The following LOC128706666 variants were observed in gnomAD, a reference collection of about 807,000 sequenced individuals.
At chr20:10,423,599 CAT>C in the LOC128706666 span, among the ~76,000 whole-genome samples, 1 of 152,136 alleles carries the variant, frequency 6.6e-6, no homozygotes, top group South Asian at 2.1e-4. Context: ...CATGTAATGA[CAT>C]AGTATGAACC....
the LOC128706666 span, among the ~76,000 whole-genome samples, chr20:10,422,385 G>A: frequency 1.3e-5 from 2 of 152,094 alleles, no homozygotes. Flanking sequence ...TTTTTAGAGG[G>A]AATCAATTAC....
At chr20:10,414,077 A>C in the LOC128706666 span, 1 of 369,326 alleles carries the variant, frequency 2.7e-6, no homozygotes, top group Non-Finnish European at 4.8e-6. Context: ...TGAGAAAGGT[A>C]GACCAACTTT....
the LOC128706666 span, chr20:10,434,125 C>CGCCGCCCCAG: frequency 4.1e-5 from 6 of 147,722 alleles, no homozygotes; most frequent in Non-Finnish European, 9.0e-5. Context: ...CCAGCCGTCG[C>CGCCGCCCCAG]GCCGCCCCAG....
chr20:10,428,126 TAAC>T, the LOC128706666 span, among the ~76,000 whole-genome samples: 1 of 152,228 alleles, frequency 6.6e-6, no homozygotes, highest in African/African-American at 2.4e-5. Context: ...AGCAAGTGAT[TAAC>T]AACTAATGAG....
At chr20:10,420,140 T>C in the LOC128706666 span, among the ~76,000 whole-genome samples, 1 of 152,088 alleles carries the variant, frequency 6.6e-6, no homozygotes, top group Non-Finnish European at 1.5e-5. Context: ...AAATAGTTGA[T>C]GTTAAGAAAT....
the LOC128706666 span, among the ~76,000 whole-genome samples, chr20:10,429,882 T>C: frequency 6.6e-6 from 1 of 152,216 alleles, no homozygotes; most frequent in African/African-American, 2.4e-5. Flanking sequence ...CCTCCTGACC[T>C]ACTGAGTCAG....
the LOC128706666 span, among the ~76,000 whole-genome samples, chr20:10,420,131 A>C: frequency 2.0e-5 from 3 of 152,206 alleles, no homozygotes; most frequent in Admixed American, 6.5e-5. Context: ...GTCAAGCTAA[A>C]ATAGTTGATG....
chr20:10,422,656 T>G, the LOC128706666 span, among the ~76,000 whole-genome samples: 1 of 152,134 alleles, frequency 6.6e-6, no homozygotes, highest in African/African-American at 2.4e-5. Context: ...GTCTCAATAC[T>G]TAAGGTGACT....
the LOC128706666 span, among the ~76,000 whole-genome samples, chr20:10,418,034 C>A: frequency 2.0e-5 from 3 of 152,098 alleles, no homozygotes; most frequent in Non-Finnish European, 4.4e-5. Context: ...TTTTTATAGA[C>A]AAATTCAGAA....
chr20:10,429,390 G>A, the LOC128706666 span, among the ~76,000 whole-genome samples: 48 of 152,172 alleles, frequency 3.2e-4, no homozygotes, highest in African/African-American at 1.0e-3. Context: ...TTTCCTGGGC[G>A]GTCTCATTCA....
chr20:10,429,433 T>C, the LOC128706666 span, among the ~76,000 whole-genome samples: 750 of 152,314 alleles, frequency 4.9e-3, 6 homozygotes, highest in African/African-American at 0.017. Context: ...GCATCCACTC[T>C]GGCTCTCACA....
chr20:10,415,198 G>A, the LOC128706666 span, among the ~76,000 whole-genome samples: 5 of 152,120 alleles, frequency 3.3e-5, no homozygotes, highest in Admixed American at 6.6e-5. Flanking sequence ...TGTTGAGGCC[G>A]GGTGTTTTAA....
chr20:10,416,087 A>C, the LOC128706666 span, among the ~76,000 whole-genome samples: 14 of 152,310 alleles, frequency 9.2e-5, no homozygotes, highest in African/African-American at 3.4e-4. Flanking sequence ...GTGCTCCATA[A>C]TTCCAAGAGT....
chr20:10,432,637 T>C, the LOC128706666 span, among the ~76,000 whole-genome samples: 1 of 151,824 alleles, frequency 6.6e-6, no homozygotes, highest in African/African-American at 2.4e-5. Context: ...TACTAAAAAA[T>C]ACAAAAATTA....
At chr20:10,430,704 C>T in the LOC128706666 span, among the ~76,000 whole-genome samples, 1 of 152,132 alleles carries the variant, frequency 6.6e-6, no homozygotes, top group African/African-American at 2.4e-5. Context: ...TATTATAGGA[C>T]AGATAACTGT....
At chr20:10,414,451 G>C in the LOC128706666 span, among the ~76,000 whole-genome samples, 4 of 152,018 alleles carry the variant, frequency 2.6e-5, no homozygotes, top group Non-Finnish European at 5.9e-5. Context: ...TTTTAGTAGA[G>C]ATGGGGTTTC....
the LOC128706666 span, among the ~76,000 whole-genome samples, chr20:10,430,063 C>T: frequency 6.6e-6 from 1 of 152,166 alleles, no homozygotes; most frequent in East Asian, 1.9e-4. Flanking sequence ...AAAAACAAAT[C>T]TGGTTGTATT....
At chr20:10,432,458 G>C in the LOC128706666 span, among the ~76,000 whole-genome samples, 2 of 152,106 alleles carry the variant, frequency 1.3e-5, no homozygotes, top group Non-Finnish European at 2.9e-5. Flanking sequence ...CAGGACCCAT[G>C]ATGGATACCC....
chr20:10,414,190 GCA>G, the LOC128706666 span, among the ~76,000 whole-genome samples: 6 of 151,422 alleles, frequency 4.0e-5, no homozygotes, highest in Non-Finnish European at 1.5e-5. Context: ...AAAGCTTACA[GCA>G]CAGTTATTTG....
Sources: allele counts gnomAD v4.1 joint callset (sites outside exome capture counted in the v4.1 genomes callset), GRCh38; gene constraint gnomAD v4.1.1; transcripts MANE v1.5.